The following FBXW2 variants were observed in gnomAD, a reference collection of about 807,000 sequenced individuals.
FBXW2 encodes the protein F-box and WD repeat domain containing 2, also known as F-box/WD repeat-containing protein 2.
FBXW2 carries 12 observed loss-of-function variants against 46.0 expected under a neutral mutation model. The ratio of observed to expected loss-of-function variants is 0.26; its 90% CI spans 0.17 to 0.42. The LOEUF (loss-of-function observed/expected upper bound fraction) is 0.42. Ranked by LOEUF, FBXW2 falls within the 10% of genes least tolerant of loss-of-function variation. The pLI is 1.00. For synonymous variants in FBXW2, 203 were observed against 209.6 expected (o/e 0.97, Z 0.27); for missense variants, 360 against 537.0 (o/e 0.67, Z 3.26).
At chr9:120,774,805 A>T (rs1414159477) in intron 5 of FBXW2, among the ~76,000 whole-genome samples, 2 of 152,186 alleles carry the variant, frequency 1.3e-5, no homozygotes, top group Non-Finnish European at 2.9e-5. Flanking sequence ...TTCTGATGAT[A>T]TCCACCATAC....
chr9:120,786,066 T>G (rs1469546412), intron 3 of FBXW2, among the ~76,000 whole-genome samples: 1 of 151,120 alleles, frequency 6.6e-6, no homozygotes, highest in African/African-American at 2.4e-5. Context: ...AATTCATACT[T>G]CTGTATCTGG....
At chr9:120,787,167 T>C (rs1421673715) in intron 3 of FBXW2, among the ~76,000 whole-genome samples, 7 of 152,210 alleles carry the variant, frequency 4.6e-5, no homozygotes, top group Admixed American at 1.3e-4. Context: ...TAGCTGGGAT[T>C]ATAGGCGCAT....
At chr9:120,775,232 C>T (rs888598140) in intron 5 of FBXW2, among the ~76,000 whole-genome samples, 3 of 152,056 alleles carry the variant, frequency 2.0e-5, no homozygotes, top group Admixed American at 6.6e-5. Context: ...TCAGTAGCGA[C>T]GGAGTTTCAC....
chr9:120,790,907 T>G (rs2044825732), intron 2 of FBXW2, among the ~76,000 whole-genome samples: 1 of 152,186 alleles, frequency 6.6e-6, no homozygotes, highest in East Asian at 1.9e-4. Context: ...CTAAAAAAAT[T>G]CAGCCATGTC....
chr9:120,761,432 A>G lies in FBXW2; in HGVS notation c.*3127T>C, dbSNP rs2044195118. 6.6e-6 allele frequency: 1 copy of G among 152,220 alleles called. No individual in the cohort carries two copies. Among genetic ancestry groups the G allele is most frequent in the Admixed American group, 6.5e-5 (1 of 15,276 alleles). The allele number at this position is 152,220 out of a possible 1,614,324, so 9.4% of individuals were successfully genotyped here. A position where few individuals can be genotyped will look rare whatever the true frequency, so the allele number is the denominator to read the frequency against. On this transcript the variant is annotated 3_prime_UTR_variant, in exon 8 of 8. Coordinates refer to ENST00000608872, the MANE Select transcript of FBXW2 (RefSeq NM_012164.4). ...TTTTTCAGAAATGAGAATATTCACA[A>G]AAGAGGGAAAGGCAATTCCCTTACC...
intron 2 of FBXW2, 117 bp from the exon 3 acceptor site, chr9:120,788,395 T>C: frequency 2.3e-6 from 2 of 875,358 alleles, no homozygotes; most frequent in Non-Finnish European, 3.5e-6. Context: ...ACTTTATGCG[T>C]AGTTACATTA....
chr9:120,757,351 CAG>C lies in FBXW2; in HGVS notation c.*7206_*7207del. ...TGTATGCACTCTTCTGTACCTGTAA[CAG>C]AAAATACTAAGAAAAAATTCCACTG... is the stretch of plus-strand genomic sequence containing the variant. On this transcript the variant is annotated 3_prime_UTR_variant, in exon 8 of 8. Coordinates refer to ENST00000608872, the MANE Select transcript of FBXW2 (RefSeq NM_012164.4). The C allele has an allele frequency of 6.6e-6, 1 of 152,274 alleles. No homozygotes were observed. Among genetic ancestry groups the C allele is most frequent in the East Asian group, 1.9e-4 (1 of 5,180 alleles). 9.4% of individuals were successfully genotyped at this position (152,274 alleles called of 1,614,324 possible).
At chr9:120,785,777 C>A (rs2044707125) in intron 3 of FBXW2, among the ~76,000 whole-genome samples, 1 of 151,904 alleles carries the variant, frequency 6.6e-6, no homozygotes, top group South Asian at 2.1e-4. Flanking sequence ...CGCCTGTAAT[C>A]CCAACACTTT....
rs2044157527 is a variant in FBXW2 at position 120,758,931 on chromosome 9, C to A, written c.*5628G>T. On this transcript the variant is annotated 3_prime_UTR_variant, in exon 8 of 8. Coordinates refer to ENST00000608872, the MANE Select transcript of FBXW2 (RefSeq NM_012164.4). ...TTTACCCACCCCATCCCTTCATTTG[C>A]AACTATTCATGAAATTCACCAAAAT... is the stretch of plus-strand genomic sequence containing the variant. 6.6e-6 allele frequency: 1 copy of A among 152,154 alleles called. No homozygotes were observed. Among genetic ancestry groups the A allele is most frequent in the African/African-American group, 2.4e-5 (1 of 41,426 alleles). The allele number at this position is 152,154 out of a possible 1,614,324, so 9.4% of individuals were successfully genotyped here.
chr9:120,768,373 T>C (rs1254586358), intron 7 of FBXW2, among the ~76,000 whole-genome samples: 1 of 152,224 alleles, frequency 6.6e-6, no homozygotes, highest in African/African-American at 2.4e-5. Flanking sequence ...TTCCCCATCC[T>C]GCTGATCGGT....
intron 3 of FBXW2, among the ~76,000 whole-genome samples, chr9:120,781,675 C>CACACAT (rs761941263): frequency 0.035 from 5,136 of 146,258 alleles, 132 homozygotes; most frequent in South Asian, 0.078. Flanking sequence ...CACACACACA[C>CACACAT]ATACACACAC....
At chr9:120,769,807 C>T (rs1401957626) in intron 7 of FBXW2, among the ~76,000 whole-genome samples, 3 of 152,222 alleles carry the variant, frequency 2.0e-5, no homozygotes, top group African/African-American at 7.2e-5. Flanking sequence ...AAGGCCCCTA[C>T]CCTGTCTCAG....
At chr9:120,771,607 T>C (rs1360134060) in intron 6 of FBXW2, 90 bp from the exon 7 acceptor site, 38 of 1,195,540 alleles carry the variant, frequency 3.2e-5, no homozygotes, top group Non-Finnish European at 4.3e-5. Context: ...TGAAGTCAGA[T>C]AGAAAGTGAA....
intron 6 of FBXW2, among the ~76,000 whole-genome samples, chr9:120,772,060 GAAAAAA>G (rs59520792): frequency 5.1e-4 from 26 of 51,312 alleles, no homozygotes; most frequent in African/African-American, 1.8e-3. Context: ...CCCTGTCTCA[GAAAAAA>G]AAAAAAAAAA....
chr9:120,777,637 T>C (rs1027080704), intron 4 of FBXW2, among the ~76,000 whole-genome samples: 5 of 151,706 alleles, frequency 3.3e-5, no homozygotes, highest in Non-Finnish European at 5.9e-5. Flanking sequence ...AGTGGGTAAA[T>C]GGGGGAAAGG....
chr9:120,788,696 G>T (rs2044771794), intron 2 of FBXW2, among the ~76,000 whole-genome samples: 1 of 151,910 alleles, frequency 6.6e-6, no homozygotes, highest in Admixed American at 6.6e-5. Context: ...ATTCTATTTG[G>T]GTACTAAAAT....
intron 3 of FBXW2, among the ~76,000 whole-genome samples, chr9:120,784,675 T>G (rs1376597719): frequency 2.0e-5 from 3 of 151,366 alleles, no homozygotes; most frequent in Non-Finnish European, 4.4e-5. Flanking sequence ...ATCCCAGCAC[T>G]TTGGGAGGCC....
At chr9:120,792,989 G>A in intron 2 of FBXW2, 160 bp downstream of exon 2, 1 of 1,529,798 alleles carries the variant, frequency 6.5e-7, no homozygotes, top group Non-Finnish European at 8.8e-7. Context: ...GGTAGCCCTG[G>A]GACATCACTG....
At chr9:120,786,601 T>G (rs1434455739) in intron 3 of FBXW2, among the ~76,000 whole-genome samples, 8 of 152,156 alleles carry the variant, frequency 5.3e-5, no homozygotes, top group African/African-American at 1.9e-4. Flanking sequence ...TATTGATATA[T>G]TTACAAAAAG....
Sources: gnomAD v4.1 joint callset for allele counts (sites outside exome capture counted in the v4.1 genomes callset) on GRCh38, gnomAD v4.1.1 for gene constraint, MANE v1.5 for transcripts, NCBI Gene and HGNC (gene_info 2026-07-23, HGNC 2026-07-21) for gene names.